The following GLB1L3 variants were observed in gnomAD, a reference collection of about 807,000 sequenced individuals.
GLB1L3 encodes galactosidase beta 1 like 3.
In GLB1L3, 89 loss-of-function variants were observed where a neutral mutation model predicts 89.5. The ratio of observed to expected loss-of-function variants is 0.99; its 90% CI spans 0.84 to 1.19. GLB1L3 has a LOEUF of 1.19. GLB1L3 is among the 50% of genes most tolerant of loss of function. The pLI, the probability that GLB1L3 is intolerant of heterozygous loss-of-function variation, is 0.00. For synonymous variants in GLB1L3, 314 were observed against 312.3 expected (o/e 1.01, Z -0.06); for missense variants, 812 against 813.3 (o/e 1.00, Z 0.02).
chr11:134,277,797 G>T lies in GLB1L3; in HGVS notation c.247G>T (p.Glu83Ter), dbSNP rs1471552381. ...TGRGKPHFTLEGHKFLIFGGS... is the reference protein window; with the variant it reads ...TGRGKPHFTL ...TCGGGGTAAGCCCCACTTCACACTG[G>T]AGGGCCACAAGTTCCTGATCTTCGG... Residue 83 changes from glutamate (E) to a stop codon, truncating the protein, a stop_gained, in exon 3 of 20, where the codon GAG becomes TAG. Coordinates refer to ENST00000431683, the MANE Select transcript of GLB1L3 (RefSeq NM_001080407.3). LOFTEE classifies it high-confidence loss of function. The T allele has an allele frequency of 6.2e-7, 1 of 1,614,092 alleles. No individual in the cohort carries two copies.
Position 134,276,766 on chromosome 11 carries a change from G to A in GLB1L3, c.23+3G>A. 1 of 1,445,164 alleles carries A rather than the reference G, an allele frequency of 6.9e-7. No homozygotes were observed. Among genetic ancestry groups the A allele is most frequent in the Non-Finnish European group, 9.1e-7 (1 of 1,100,094 alleles). The allele number at this position is 1,445,164 out of a possible 1,614,324, so 89.5% of individuals were successfully genotyped here. On this transcript the variant is annotated splice_donor_region_variant and intron_variant, in intron 1 of 19. Coordinates refer to ENST00000431683, the MANE Select transcript of GLB1L3 (RefSeq NM_001080407.3). Reference sequence around the variant, plus strand: ...ATGAAGTCCCCGCCCCTCCTCAGGTGACGGATCGCCGCTGCCGTCCCGGGC... The same window carrying A: ...ATGAAGTCCCCGCCCCTCCTCAGGTAACGGATCGCCGCTGCCGTCCCGGGC...
At chr11:134,290,622 A>G (rs1941308838) in intron 7 of GLB1L3, among the ~76,000 whole-genome samples, 1 of 135,316 alleles carries the variant, frequency 7.4e-6, no homozygotes, top group Non-Finnish European at 1.6e-5. Context: ...AAAAAAAACC[A>G]TTCAACTCCA....
chr11:134,315,878 G>A (rs2136233040), intron 18 of GLB1L3, among the ~76,000 whole-genome samples: 1 of 152,108 alleles, frequency 6.6e-6, no homozygotes, highest in South Asian at 2.1e-4. Flanking sequence ...TTAGATAATG[G>A]ACTTTCAGTC....
Position 134,293,147 on chromosome 11 carries a change from T to A in GLB1L3, c.814T>A (p.Leu272Met). The A allele has an allele frequency of 6.2e-7, 1 of 1,613,610 alleles. No homozygotes were observed. The highest frequency in any genetic ancestry group is 1.3e-5 in the African/African-American group (1 of 75,034). The change falls in exon 9 of 20, where the codon TTG becomes ATG. Residue 272 changes from leucine to methionine, a missense_variant and splice_region_variant. This residue lies in a region of GLB1L3 where 618 missense variants were observed against 604.0 expected (regional missense o/e 1.02). Transcript: ENST00000431683. Reference protein sequence around the residue: ...HVLSGHTKGVLAAINLQKLHQ... With the variant: ...HVLSGHTKGVMAAINLQKLHQ... ...GGGTCTCTCTCTTCTTTATGCAGTG[T>A]TGGCCGCCATCAATTTGCAAAAACT... is the stretch of plus-strand genomic sequence containing the variant.
Position 134,276,642 on chromosome 11 carries a change from C to A in GLB1L3, c.-99C>A. 2.6e-6 allele frequency: 3 copies of A among 1,152,504 alleles called. No individual in the cohort carries two copies. Among genetic ancestry groups the A allele is most frequent in the Non-Finnish European group, 3.4e-6 (3 of 889,056 alleles). 71.4% of individuals were successfully genotyped at this position (1,152,504 alleles called of 1,614,324 possible). A position where few individuals can be genotyped will look rare whatever the true frequency, so the allele number is the denominator to read the frequency against. ...GCAGCGCGCAGACCTGAGCCTGCCC[C>A]GCGGAACCGGGGCTCGAGTCCCGGC... is the stretch of plus-strand genomic sequence containing the variant. On this transcript the variant is annotated 5_prime_UTR_variant, in exon 1 of 20. Coordinates refer to ENST00000431683, the MANE Select transcript of GLB1L3 (RefSeq NM_001080407.3).
chr11:134,314,389 G>C lies in GLB1L3; in HGVS notation c.1727G>C (p.Cys576Ser). The change falls in exon 18 of 20, where the codon TGT (cysteine) becomes TCT (serine). Residue 576 changes from cysteine (C) to serine (S), a missense_variant. Coordinates refer to ENST00000431683, the MANE Select transcript of GLB1L3 (RefSeq NM_001080407.3). ...AGCCACCAGGGCCCGGCCTTCTACTGTGGGACCTTGAAGGCTGGCCCTTCT... is the reference window on the plus strand; with the variant it reads ...AGCCACCAGGGCCCGGCCTTCTACTCTGGGACCTTGAAGGCTGGCCCTTCT... Reference protein sequence around the residue: ...PDSHQGPAFYCGTLKAGPSPK... With the variant: ...PDSHQGPAFYSGTLKAGPSPK... 6.4e-7 allele frequency: 1 copy of C among 1,551,694 alleles called. No individual in the cohort carries two copies. The highest frequency in any genetic ancestry group is 8.7e-7 in the Non-Finnish European group (1 of 1,147,012).
rs1942355994 is a variant in GLB1L3 at position 134,308,257 on chromosome 11, C to T, written c.961+1049C>T. Among the ~76,000 whole-genome samples, 2 of 45,532 alleles carry T rather than the reference C, an allele frequency of 4.4e-5. 1 individual carries two copies. The highest frequency in any genetic ancestry group is 1.9e-3 in the South Asian group (2 of 1,038). The allele number at this position is 45,532 out of a possible 152,430, so 29.9% of individuals were successfully genotyped here. A position where few individuals can be genotyped will look rare whatever the true frequency, so the allele number is the denominator to read the frequency against. On this transcript the variant is annotated intron_variant, in intron 10 of 19. Coordinates refer to ENST00000431683, the MANE Select transcript of GLB1L3 (RefSeq NM_001080407.3). The stretch of plus-strand genomic sequence containing the variant: ...CCACCATCACCATCACCACCATCAC[C>T]ACCACCACCACCACCACCACCACCA...
chr11:134,292,753 G>A (rs1941422906), intron 8 of GLB1L3: 1 of 341,910 alleles, frequency 2.9e-6, no homozygotes, highest in Admixed American at 4.6e-5. Flanking sequence ...GAGCAGGGGA[G>A]CGGGGCGAGC....
At chr11:134,279,739 T>C (rs954525849) in intron 3 of GLB1L3, among the ~76,000 whole-genome samples, 3 of 152,244 alleles carry the variant, frequency 2.0e-5, no homozygotes, top group African/African-American at 7.2e-5. Flanking sequence ...GGAAGTTATA[T>C]ACATCACGTT....
At chr11:134,282,730 C>G (rs1002251016) in intron 5 of GLB1L3, among the ~76,000 whole-genome samples, 3 of 152,196 alleles carry the variant, frequency 2.0e-5, no homozygotes, top group African/African-American at 4.8e-5. Flanking sequence ...TCTCTGCCAC[C>G]CCTGTGGTGG....
In GLB1L3 at chr11:134,313,926, C is replaced by T; in HGVS notation, c.1580-15C>T. 1.9e-6 allele frequency: 3 copies of T among 1,540,780 alleles called. No homozygotes were observed. The highest frequency in any genetic ancestry group is 2.7e-6 in the Non-Finnish European group (3 of 1,115,366). On this transcript the variant is annotated splice_polypyrimidine_tract_variant and intron_variant, in intron 16 of 19. Coordinates refer to ENST00000431683, the MANE Select transcript of GLB1L3 (RefSeq NM_001080407.3). ...GGCTCATATTCTCTTTCCTGCCTCC[C>T]ATCTGCATCTGCAGGAATAACTGGA...
chr11:134,277,969 G>C, intron 3 of GLB1L3, 57 bp downstream of exon 3: 1 of 1,563,024 alleles, frequency 6.4e-7, no homozygotes, highest in Non-Finnish European at 8.7e-7. Context: ...CATCCTGGCC[G>C]GGAACCTGAG....
chr11:134,306,719 C>T (rs1259599384), intron 9 of GLB1L3, among the ~76,000 whole-genome samples: 1 of 152,246 alleles, frequency 6.6e-6, no homozygotes, highest in Admixed American at 6.5e-5. Flanking sequence ...TTCAGCAGCA[C>T]TGAAAATGCT....
chr11:134,310,520 G>A, intron 11 of GLB1L3, 51 bp from the exon 12 acceptor site: 2 of 1,433,616 alleles, frequency 1.4e-6, no homozygotes, highest in African/African-American at 2.8e-5. Flanking sequence ...TGCTGAAACA[G>A]GGCCTCCTGC....
At chr11:134,290,075 A>G (rs1941261530) in intron 7 of GLB1L3, among the ~76,000 whole-genome samples, 2 of 152,222 alleles carry the variant, frequency 1.3e-5, no homozygotes, top group Admixed American at 1.3e-4. Flanking sequence ...CTCCCGCGCT[A>G]TAGCTGTGGC....
At position 134,308,514 on chromosome 11, in the gene GLB1L3, C is replaced by T. The variant is rs1225163947; in HGVS notation, c.962-1112C>T. Reference sequence around the variant, plus strand: ...TCACCACCAAATACCACCACCACCACCACCATGTCCACCACCACTACCACC... The same window carrying T: ...TCACCACCAAATACCACCACCACCATCACCATGTCCACCACCACTACCACC... On this transcript the variant is annotated intron_variant, in intron 10 of 19. Transcript: ENST00000431683. 3.2e-4 allele frequency among the ~76,000 whole-genome samples: 32 copies of T among 100,954 alleles called. 2 individuals are homozygous for T. The highest frequency in any genetic ancestry group is 4.2e-4 in the Non-Finnish European group (19 of 45,280). 66.2% of individuals were successfully genotyped at this position (100,954 alleles called of 152,430 possible).
intron 6 of GLB1L3, among the ~76,000 whole-genome samples, chr11:134,286,613 A>T (rs940237275): frequency 2.0e-5 from 3 of 151,506 alleles, no homozygotes; most frequent in Non-Finnish European, 4.4e-5. Flanking sequence ...CGTCTCTACT[A>T]AAAAATAGAA....
In GLB1L3 at chr11:134,277,721, C is replaced by T; in HGVS notation, c.171C>T (p.Thr57=). Residue 57 remains threonine, a synonymous_variant, in exon 3 of 20, where the codon ACC becomes ACT. Transcript: ENST00000431683. Reference sequence around the variant, plus strand: ...CCAGGTTTAATTGGTCTCATCTGACCCCTCTGGAGCTGAAGAATCGATCTG... The same window carrying T: ...CCAGGTTTAATTGGTCTCATCTGACTCCTCTGGAGCTGAAGAATCGATCTG... ...SQPRFNWSHL[T]PLELKNRSVG... is the part of the protein sequence containing the mutation. The T allele has an allele frequency of 1.2e-6, 2 of 1,611,210 alleles. No homozygotes were observed. Among genetic ancestry groups the T allele is most frequent in the Non-Finnish European group, 1.7e-6 (2 of 1,178,756 alleles).
chr11:134,315,017 C>T lies in GLB1L3; in HGVS notation c.1779+576C>T, dbSNP rs111625724. On this transcript the variant is annotated intron_variant, in intron 18 of 19. Transcript: ENST00000431683. ...AGTTAAAAATATTGTTGGCACCCCT[C>T]CCAACTGCTGCCTTGACTTCTAACA... Among the ~76,000 whole-genome samples, 353 of 152,318 alleles carry T rather than the reference C, an allele frequency of 2.3e-3. 2 individuals are homozygous for T. The highest frequency in any genetic ancestry group is 7.9e-3 in the African/African-American group (328 of 41,570).
Sources: allele counts gnomAD v4.1 joint callset (sites outside exome capture counted in the v4.1 genomes callset), GRCh38; gene constraint gnomAD v4.1.1; regional missense constraint gnomAD v4.1.1; transcripts MANE v1.5; gene names NCBI Gene and HGNC (gene_info 2026-07-23, HGNC 2026-07-21).